Variants in NUDT3 observed in about 807,000 individuals in gnomAD.
NUDT3 encodes the protein diphosphoinositol polyphosphate phosphohydrolase 1.
A neutral mutation model predicts 23.6 loss-of-function variants in NUDT3; 9 were observed. That is an observed-to-expected ratio of 0.38 (90% confidence interval 0.23 to 0.66). The LOEUF (loss-of-function observed/expected upper bound fraction) is 0.66, where lower values mean the gene tolerates loss of function less well. Among genes scored for constraint, NUDT3 ranks in the 30% least tolerant of loss-of-function variants. The pLI is 0.52. For missense variants in NUDT3, 172 were observed against 218.5 expected (o/e 0.79, Z 1.34); for synonymous variants, 86 against 82.6 (o/e 1.04, Z -0.22).
intron 1 of NUDT3, among the ~76,000 whole-genome samples, chr6:34,378,273 A>C (rs1330841310): frequency 6.6e-6 from 1 of 152,128 alleles, no homozygotes; most frequent in East Asian, 1.9e-4. Flanking sequence ...ACTGTACTCC[A>C]GCCTGGGAGA....
At chr6:34,363,387 G>A (rs1029537075) in intron 1 of NUDT3, among the ~76,000 whole-genome samples, 5 of 152,100 alleles carry the variant, frequency 3.3e-5, no homozygotes, top group Non-Finnish European at 7.3e-5. Context: ...TAGCAGAAAC[G>A]GCAAATAACC....
chr6:34,365,007 C>T (rs1014996720), intron 1 of NUDT3, among the ~76,000 whole-genome samples: 4 of 151,412 alleles, frequency 2.6e-5, no homozygotes, highest in Non-Finnish European at 4.4e-5. Context: ...GGTGACAGAG[C>T]GAGACTTCGT....
chr6:34,357,736 G>C (rs1764584950), intron 1 of NUDT3, among the ~76,000 whole-genome samples: 1 of 152,054 alleles, frequency 6.6e-6, no homozygotes, highest in Non-Finnish European at 1.5e-5. Flanking sequence ...ATTTTGATTA[G>C]TATTATAAAA....
chr6:34,355,691 G>C (rs1379157861), intron 1 of NUDT3, among the ~76,000 whole-genome samples: 2 of 104,334 alleles, frequency 1.9e-5, no homozygotes, highest in African/African-American at 7.6e-5. Flanking sequence ...TGTTTTTTTG[G>C]GGGGGTGGGG....
chr6:34,326,480 C>G (rs1267487113), intron 2 of NUDT3, among the ~76,000 whole-genome samples: 1 of 150,338 alleles, frequency 6.7e-6, no homozygotes, highest in Non-Finnish European at 1.5e-5. Flanking sequence ...GCCTTTCAGT[C>G]CTACTACTGT....
At position 34,376,817 on chromosome 6, in the gene NUDT3, ACTC is replaced by A. The variant is rs1359599130; in HGVS notation, c.99+15444_99+15446del. 3.3e-5 allele frequency among the ~76,000 whole-genome samples: 5 copies of A among 150,650 alleles called. No individual in the cohort carries two copies. In the South Asian group the frequency reaches 1.0e-3, roughly 32 times the overall value. ...TTCCCCACTGTAGGATCAAACCCAA[ACTC>A]CTCATTATCTCAAATCAAGGCTCTA... On this transcript the variant is annotated intron_variant, in intron 1 of 4. Coordinates refer to ENST00000607016, the MANE Select transcript of NUDT3 (RefSeq NM_006703.4).
intron 1 of NUDT3, among the ~76,000 whole-genome samples, chr6:34,388,361 T>C (rs1765143108): frequency 6.6e-6 from 1 of 152,232 alleles, no homozygotes; most frequent in African/African-American, 2.4e-5. Flanking sequence ...CAAGGTCCTA[T>C]TTATACTTAT....
intron 1 of NUDT3, among the ~76,000 whole-genome samples, chr6:34,349,292 AGTGATAG>A (rs1045615031): frequency 6.6e-5 from 10 of 152,156 alleles, no homozygotes; most frequent in African/African-American, 2.4e-4. Context: ...AGTAGAAGGA[AGTGATAG>A]GTTTCCAGAT....
At chr6:34,331,175 C>T (rs763222404) in intron 2 of NUDT3, among the ~76,000 whole-genome samples, 1 of 152,152 alleles carries the variant, frequency 6.6e-6, no homozygotes, top group Non-Finnish European at 1.5e-5. Flanking sequence ...TCTTGATAGA[C>T]TGCGGATAGA....
At chr6:34,332,031 C>G (rs183578936) in intron 2 of NUDT3, among the ~76,000 whole-genome samples, 2 of 152,074 alleles carry the variant, frequency 1.3e-5, no homozygotes, top group Non-Finnish European at 2.9e-5. Context: ...TGTGTCAACA[C>G]GCCCAACTAA....
At chr6:34,334,767 T>C (rs1055195462) in intron 2 of NUDT3, among the ~76,000 whole-genome samples, 4 of 151,858 alleles carry the variant, frequency 2.6e-5, no homozygotes, top group African/African-American at 7.3e-5. Context: ...CTGTCTCTAA[T>C]AAATAATAAT....
At chr6:34,297,550 GTT>G (rs59167136) in intron 2 of NUDT3, among the ~76,000 whole-genome samples, 136 of 131,270 alleles carry the variant, frequency 1.0e-3, no homozygotes, top group Non-Finnish European at 1.6e-3. Flanking sequence ...AAAAGTCATT[GTT>G]TTTTTTTTTT....
chr6:34,316,421 G>A (rs1279329132), intron 2 of NUDT3, among the ~76,000 whole-genome samples: 1 of 152,170 alleles, frequency 6.6e-6, no homozygotes, highest in African/African-American at 2.4e-5. Context: ...CTAAAGGACA[G>A]GACTGCTTCA....
In NUDT3 at chr6:34,287,999, A is replaced by C. The variant is rs1200602064; in HGVS notation, c.*754T>G. 6.6e-6 allele frequency: 1 copy of C among 152,230 alleles called. No homozygotes were observed. Among genetic ancestry groups the C allele is most frequent in the Non-Finnish European group, 1.5e-5 (1 of 68,046 alleles). 9.4% of individuals were successfully genotyped at this position (152,230 alleles called of 1,614,324 possible). A position where few individuals can be genotyped will look rare whatever the true frequency, so the allele number is the denominator to read the frequency against. ...TTCCTGTTTCTTTCTGGGCAGGGAAATACAGCTTAAAGAAGGAAAGGCCAT... is the reference window on the plus strand; with the variant it reads ...TTCCTGTTTCTTTCTGGGCAGGGAACTACAGCTTAAAGAAGGAAAGGCCAT... On this transcript the variant is annotated 3_prime_UTR_variant, in exon 5 of 5. Transcript: ENST00000607016.
intron 2 of NUDT3, among the ~76,000 whole-genome samples, chr6:34,325,703 C>A (rs916422438): frequency 2.6e-5 from 4 of 152,162 alleles, no homozygotes; most frequent in Admixed American, 6.5e-5. Context: ...AATAAATTAT[C>A]AGAATAAGAT....
chr6:34,315,730 T>C (rs1763847393), intron 2 of NUDT3, among the ~76,000 whole-genome samples: 2 of 152,196 alleles, frequency 1.3e-5, no homozygotes, highest in South Asian at 4.1e-4. Flanking sequence ...CTTTCAACAA[T>C]GTGATTCTAT....
At chr6:34,362,848 T>C (rs1465264124) in intron 1 of NUDT3, among the ~76,000 whole-genome samples, 1 of 152,170 alleles carries the variant, frequency 6.6e-6, no homozygotes, top group Non-Finnish European at 1.5e-5. Flanking sequence ...TGTTTTACAC[T>C]TGAGGAAACT....
At chr6:34,318,042 T>G (rs1038453818) in intron 2 of NUDT3, among the ~76,000 whole-genome samples, 1 of 152,172 alleles carries the variant, frequency 6.6e-6, no homozygotes, top group Non-Finnish European at 1.5e-5. Context: ...TAAACTTGCA[T>G]CAAAAGCAAA....
At chr6:34,330,616 G>A (rs1205634627) in intron 2 of NUDT3, among the ~76,000 whole-genome samples, 2 of 151,986 alleles carry the variant, frequency 1.3e-5, no homozygotes, top group African/African-American at 2.4e-5. Flanking sequence ...GGGCAACATG[G>A]TGGAACCCCA....
Sources: allele counts gnomAD v4.1 joint callset (sites outside exome capture counted in the v4.1 genomes callset), GRCh38; gene constraint gnomAD v4.1.1; transcripts MANE v1.5; gene names NCBI Gene and HGNC (gene_info 2026-07-23, HGNC 2026-07-21).